Variants in RALGAPA1 observed in about 807,000 individuals in gnomAD.
RALGAPA1 encodes Ral GTPase activating protein catalytic subunit alpha 1, also known as ral GTPase-activating protein subunit alpha-1.
In RALGAPA1, 52 loss-of-function variants were observed where a neutral mutation model predicts 269.6. The ratio of observed to expected loss-of-function variants is 0.19; its 90% CI spans 0.15 to 0.24. RALGAPA1 has a LOEUF of 0.24. Among genes scored for constraint, RALGAPA1 ranks in the 10% least tolerant of loss-of-function variants. The probability of loss-of-function intolerance (pLI) is 1.00; values close to 1 mark genes in which losing one functional copy is unlikely to be tolerated. For missense variants in RALGAPA1, 1,917 were observed against 3,013.9 expected (o/e 0.64, Z 8.52); for synonymous variants, 817 against 1,008.3 (o/e 0.81, Z 3.60).
intron 27 of RALGAPA1, among the ~76,000 whole-genome samples, chr14:35,660,166 T>C (rs926489822): frequency 1.3e-5 from 2 of 152,056 alleles, no homozygotes; most frequent in East Asian, 3.9e-4. Flanking sequence ...TTGGAAGTCC[T>C]AGCCAGAGCA....
chr14:35,756,745 C>T (rs764139860), intron 7 of RALGAPA1, 48 bp downstream of exon 7: 7 of 1,262,194 alleles, frequency 5.5e-6, no homozygotes, highest in East Asian at 2.5e-5. Flanking sequence ...AAGGGAATCA[C>T]CCACATAGGA....
At chr14:35,649,938 C>T (rs1325867492) in intron 31 of RALGAPA1, among the ~76,000 whole-genome samples, 1 of 152,050 alleles carries the variant, frequency 6.6e-6, no homozygotes, top group Non-Finnish European at 1.5e-5. Flanking sequence ...AGAAGTATAG[C>T]TTTTTCATAT....
At chr14:35,589,596 T>A (rs1260682089) in intron 37 of RALGAPA1, among the ~76,000 whole-genome samples, 1 of 152,212 alleles carries the variant, frequency 6.6e-6, no homozygotes. Flanking sequence ...ACAGTCACTA[T>A]TGTAGGACAG....
At chr14:35,758,243 CAAAAAAAAAAAAAAA>C (rs66473514) in intron 6 of RALGAPA1, among the ~76,000 whole-genome samples, 1 of 49,748 alleles carries the variant, frequency 2.0e-5, no homozygotes, top group Non-Finnish European at 4.0e-5. Flanking sequence ...GACTCTGTCT[CAAAAAAAAAAAAAAA>C]AAAAAAAACA....
Position 35,775,697 on chromosome 14 carries a change from GA to G in RALGAPA1, c.154del (p.Ser52HisfsTer12). Reference protein sequence around the residue: ...DLKQFFDQHFSHIYYVFFENF... With the variant: ...DLKQFFDQHFXHIYYVFFENF... The stretch of plus-strand genomic sequence containing the variant: ...TTCAAAGAACACATAGTATATATGT[GA>G]AAAATGTTGGTCGAAAAACTGTTTA... On this transcript the variant is annotated frameshift_variant, in exon 2 of 42. Coordinates refer to ENST00000680220, the MANE Select transcript of RALGAPA1 (RefSeq NM_001346249.2). LOFTEE classifies it high-confidence loss of function. 1 of 1,570,486 alleles carries G rather than the reference GA, an allele frequency of 6.4e-7. No homozygotes were observed. Among genetic ancestry groups the G allele is most frequent in the South Asian group, 1.2e-5 (1 of 81,488 alleles).
chr14:35,747,949 C>T (rs2072279592), intron 10 of RALGAPA1, among the ~76,000 whole-genome samples: 1 of 151,008 alleles, frequency 6.6e-6, no homozygotes, highest in Non-Finnish European at 1.5e-5. Flanking sequence ...TCAACTTTGA[C>T]TTCAGAATGC....
In RALGAPA1 at chr14:35,651,695, C is replaced by G. The variant is rs1462610231; in HGVS notation, c.5676+110G>C. 3.1e-6 allele frequency: 3 copies of G among 966,002 alleles called. No homozygotes were observed. The African/African-American group carries it at 5.1e-5, about 16-fold the overall frequency. 59.8% of individuals were successfully genotyped at this position (966,002 alleles called of 1,614,324 possible). A position where few individuals can be genotyped will look rare whatever the true frequency, so the allele number is the denominator to read the frequency against. ...AAGGCATTTCACATTATAGTAGATT[C>G]TGAACAAGGATAAATTTTTACCATG... is the stretch of plus-strand genomic sequence containing the variant. On this transcript the variant is annotated intron_variant, in intron 31 of 41. Coordinates refer to ENST00000680220, the MANE Select transcript of RALGAPA1 (RefSeq NM_001346249.2).
intron 5 of RALGAPA1, among the ~76,000 whole-genome samples, 153 bp downstream of exon 5, chr14:35,762,557 C>G (rs574762990): frequency 2.2e-4 from 34 of 152,222 alleles, no homozygotes; most frequent in African/African-American, 7.2e-4. Context: ...CACCCAGCCT[C>G]TTGCTACATT....
chr14:35,776,206 C>T (rs1246757970), intron 1 of RALGAPA1, among the ~76,000 whole-genome samples: 1 of 152,004 alleles, frequency 6.6e-6, no homozygotes, highest in African/African-American at 2.4e-5. Context: ...CACAGTGAAA[C>T]CTCATCTCTA....
At chr14:35,715,158 C>T (rs948244929) in intron 16 of RALGAPA1, among the ~76,000 whole-genome samples, 1 of 152,012 alleles carries the variant, frequency 6.6e-6, no homozygotes, top group Non-Finnish European at 1.5e-5. Flanking sequence ...TACTGCCTCT[C>T]CTTCATTCTC....
chr14:35,665,295 A>G (rs1409505317), intron 26 of RALGAPA1, among the ~76,000 whole-genome samples: 1 of 152,252 alleles, frequency 6.6e-6, no homozygotes, highest in African/African-American at 2.4e-5. Context: ...TGGACTGCCA[A>G]TGAAGGTAAC....
At chr14:35,752,541 G>A (rs2072815003) in intron 7 of RALGAPA1, among the ~76,000 whole-genome samples, 1 of 152,164 alleles carries the variant, frequency 6.6e-6, no homozygotes, top group Admixed American at 6.6e-5. Context: ...GCAGTCAAGT[G>A]CAGACGATCA....
chr14:35,651,219 T>C (rs2062809267), intron 31 of RALGAPA1, among the ~76,000 whole-genome samples: 1 of 152,104 alleles, frequency 6.6e-6, no homozygotes, highest in African/African-American at 2.4e-5. Context: ...TTAAAGTATC[T>C]ATAAGAGAAG....
At chr14:35,657,689 A>ATAT (rs777384882) in intron 28 of RALGAPA1, among the ~76,000 whole-genome samples, 29 of 145,294 alleles carry the variant, frequency 2.0e-4, no homozygotes, top group Admixed American at 5.5e-4. Flanking sequence ...ATATATATAT[A>ATAT]TTTTTTTTTT....
intron 37 of RALGAPA1, among the ~76,000 whole-genome samples, chr14:35,586,638 T>A (rs2058312260): frequency 6.6e-6 from 1 of 152,210 alleles, no homozygotes. Flanking sequence ...ATACCTAGTT[T>A]ATTGAGAGTT....
intron 5 of RALGAPA1, among the ~76,000 whole-genome samples, chr14:35,762,169 T>C (rs908074523): frequency 3.3e-5 from 5 of 152,156 alleles, no homozygotes; most frequent in African/African-American, 7.2e-5. Flanking sequence ...AATGAGTCCA[T>C]TGAGTGGCAA....
At chr14:35,643,896 T>C (rs2062199892) in intron 31 of RALGAPA1, among the ~76,000 whole-genome samples, 1 of 152,018 alleles carries the variant, frequency 6.6e-6, no homozygotes. Context: ...GGAAGGGCAG[T>C]GGGGAGTATG....
chr14:35,729,802 C>T (rs1477172366), intron 12 of RALGAPA1, among the ~76,000 whole-genome samples: 2 of 152,256 alleles, frequency 1.3e-5, no homozygotes, highest in East Asian at 3.9e-4. Context: ...CAGCCCCAAA[C>T]TTTTGCAGAT....
At chr14:35,768,458 G>A in intron 4 of RALGAPA1, among the ~76,000 whole-genome samples, 1 of 152,048 alleles carries the variant, frequency 6.6e-6, no homozygotes, top group Admixed American at 6.5e-5. Flanking sequence ...GGGAGGTTGG[G>A]GTAGGAGGAT....
Sources: gnomAD v4.1 joint callset for allele counts (sites outside exome capture counted in the v4.1 genomes callset) on GRCh38, gnomAD v4.1.1 for gene constraint, MANE v1.5 for transcripts, NCBI Gene and HGNC (gene_info 2026-07-23, HGNC 2026-07-21) for gene names.